Variants in CSNK2A1 observed in about 807,000 individuals in gnomAD.
The protein encoded by CSNK2A1 is casein kinase 2 alpha 1, also known as casein kinase II subunit alpha.
In CSNK2A1, 10 loss-of-function variants were observed where a neutral mutation model predicts 62.9. The ratio of observed to expected loss-of-function variants is 0.16; its 90% CI spans 0.10 to 0.27. The LOEUF is 0.27. Ranked by LOEUF, CSNK2A1 falls within the 10% of genes least tolerant of loss-of-function variation. The pLI, the probability that CSNK2A1 is intolerant of heterozygous loss-of-function variation, is 1.00. For missense variants in CSNK2A1, 160 were observed against 492.0 expected (o/e 0.33, Z 6.38); for synonymous variants, 124 against 167.8 (o/e 0.74, Z 2.02).
chr20:525,272 G>A lies in CSNK2A1; in HGVS notation c.-110+2661C>T, dbSNP rs146788577. On this transcript the variant is annotated intron_variant, in intron 2 of 13. Transcript: ENST00000217244. ...CATGCCTGTAATCCCAGCACTTTGG[G>A]AGGCTGAGGTGAGTGGATTACTTGA... 8.2e-3 allele frequency among the ~76,000 whole-genome samples: 1,248 copies of A among 152,100 alleles called. 17 individuals are homozygous for A. Among genetic ancestry groups the A allele is most frequent in the Middle Eastern group, 0.024 (7 of 292 alleles).
intron 3 of CSNK2A1, chr20:508,189 C>T (rs528499077): frequency 3.8e-4 from 133 of 351,318 alleles, no homozygotes; most frequent in South Asian, 5.6e-4. Flanking sequence ...ATGTGGTGCA[C>T]GACTGCATAT....
chr20:520,921 G>A (rs1301088581), intron 2 of CSNK2A1, among the ~76,000 whole-genome samples: 2 of 152,020 alleles, frequency 1.3e-5, no homozygotes, highest in African/African-American at 4.8e-5. Context: ...GGTCAGATGC[G>A]GTGGCTCATG....
intron 7 of CSNK2A1, chr20:496,595 C>A (rs2018351536): frequency 6.6e-6 from 1 of 152,214 alleles, no homozygotes; most frequent in Non-Finnish European, 1.5e-5. Context: ...GCAATCATAT[C>A]TGTAACTTTC....
intron 4 of CSNK2A1, chr20:502,509 G>A (rs2018492032): frequency 6.6e-6 from 1 of 152,168 alleles, no homozygotes; most frequent in South Asian, 2.1e-4. Context: ...CGAATTTAAT[G>A]CGATCAATGC....
intron 12 of CSNK2A1, 142 bp from the exon 13 acceptor site, chr20:486,604 G>A (rs1399448780): frequency 3.9e-6 from 3 of 770,092 alleles, no homozygotes; most frequent in African/African-American, 3.6e-5. Flanking sequence ...GGTGGCAATT[G>A]CCTTCACCAT....
chr20:542,141 A>G (rs978127129), intron 1 of CSNK2A1, among the ~76,000 whole-genome samples: 5 of 152,270 alleles, frequency 3.3e-5, no homozygotes, highest in African/African-American at 1.2e-4. Flanking sequence ...TAGTCCCTTT[A>G]CAGTGACAGG....
rs192149249 is a variant in CSNK2A1 at position 531,171 on chromosome 20, A to T, written c.-226-3122T>A. On this transcript the variant is annotated intron_variant, in intron 1 of 13. Coordinates refer to ENST00000217244, the MANE Select transcript of CSNK2A1 (RefSeq NM_177559.3). ...TTTCAAAGTGACAGTTACCAAAATT[A>T]AAAAAAAATTTAACTTTCTATTTCT... 5.9e-5 allele frequency among the ~76,000 whole-genome samples: 9 copies of T among 151,842 alleles called. No homozygotes were observed. The East Asian group carries it at 9.7e-4, about 16-fold the overall frequency.
chr20:516,033 T>C (rs1165636782), intron 2 of CSNK2A1, among the ~76,000 whole-genome samples: 1 of 152,206 alleles, frequency 6.6e-6, no homozygotes, highest in Non-Finnish European at 1.5e-5. Flanking sequence ...CTGAAGAAAC[T>C]TGATTTTACC....
rs2017775506 is a variant in CSNK2A1 at position 472,661 on chromosome 20, G to C, written c.*11300C>G. On this transcript the variant is annotated 3_prime_UTR_variant, in exon 14 of 14. Transcript: ENST00000217244. ...ATAAACATTGTCAACATCCCAAGTA[G>C]ACAGCAGTCCTGTGTGTGAATGATC... 6 of 152,218 alleles carry C rather than the reference G, an allele frequency of 3.9e-5. No individual in the cohort carries two copies. The highest frequency in any genetic ancestry group is 1.3e-4 in the Admixed American group (2 of 15,288). The allele number at this position is 152,218 out of a possible 1,614,324, so 9.4% of individuals were successfully genotyped here.
chr20:511,536 C>A (rs1226182565), intron 2 of CSNK2A1, among the ~76,000 whole-genome samples: 1 of 152,122 alleles, frequency 6.6e-6, no homozygotes, highest in Non-Finnish European at 1.5e-5. Flanking sequence ...TATTTTCTGC[C>A]TGAGCTGGCT....
intron 1 of CSNK2A1, among the ~76,000 whole-genome samples, chr20:529,307 T>G (rs2019163191): frequency 6.6e-6 from 1 of 152,058 alleles, no homozygotes; most frequent in South Asian, 2.1e-4. Context: ...ATTACAGGCA[T>G]GAGCCATTGC....
At chr20:535,571 C>T (rs2019301340) in intron 1 of CSNK2A1, among the ~76,000 whole-genome samples, 1 of 151,980 alleles carries the variant, frequency 6.6e-6, no homozygotes, top group South Asian at 2.1e-4. Flanking sequence ...GCGTGGCCAA[C>T]ATGGCGACAC....
rs534272813 is a variant in CSNK2A1 at position 525,059 on chromosome 20, T to C, written c.-110+2874A>G. ...AGGAGTTTGAGGCTTCAGTGAGCTA[T>C]GATCACAGTGTTGCACTCCAACCTG... On this transcript the variant is annotated intron_variant, in intron 2 of 13. Transcript: ENST00000217244. Among the ~76,000 whole-genome samples, 233 of 152,302 alleles carry C rather than the reference T, an allele frequency of 1.5e-3. 3 individuals carry two copies. Among genetic ancestry groups the C allele is most frequent in the Non-Finnish European group, 2.6e-3 (175 of 68,020 alleles).
At chr20:500,006 A>C (rs985258746) in intron 4 of CSNK2A1, 72 bp from the exon 5 acceptor site, 2 of 1,198,126 alleles carry the variant, frequency 1.7e-6, no homozygotes, top group Admixed American at 1.9e-5. Context: ...CACGTAGTGT[A>C]ATACATAAAT....
chr20:539,964 ACAGAGCCTC>A (rs1366683180), intron 1 of CSNK2A1: 26 of 152,226 alleles, frequency 1.7e-4, no homozygotes, highest in African/African-American at 5.3e-4. Flanking sequence ...GTAAAAGAAA[ACAGAGCCTC>A]CGGTCCAAAG....
At chr20:525,364 A>G (rs1215247021) in intron 2 of CSNK2A1, among the ~76,000 whole-genome samples, 1 of 152,008 alleles carries the variant, frequency 6.6e-6, no homozygotes, top group East Asian at 1.9e-4. Context: ...TAAAAATTTT[A>G]AAAATCGGCT....
At chr20:518,577 C>T (rs1012607135) in intron 2 of CSNK2A1, among the ~76,000 whole-genome samples, 3 of 151,964 alleles carry the variant, frequency 2.0e-5, no homozygotes, top group Non-Finnish European at 4.4e-5. Flanking sequence ...GACAGAGTCT[C>T]GCTCTGTCAC....
chr20:517,476 A>G (rs2018850998), intron 2 of CSNK2A1, among the ~76,000 whole-genome samples: 1 of 152,208 alleles, frequency 6.6e-6, no homozygotes, highest in South Asian at 2.1e-4. Flanking sequence ...TACAATCTCA[A>G]GTGATCAGTG....
At chr20:514,269 G>C (rs747589094) in intron 2 of CSNK2A1, among the ~76,000 whole-genome samples, 60 of 151,820 alleles carry the variant, frequency 4.0e-4, no homozygotes, top group Non-Finnish European at 1.2e-4. Context: ...ACTTGAGCCT[G>C]GGAGGTCAAG....
Sources: allele counts gnomAD v4.1 joint callset (sites outside exome capture counted in the v4.1 genomes callset), GRCh38; gene constraint gnomAD v4.1.1; transcripts MANE v1.5; gene names NCBI Gene and HGNC (gene_info 2026-07-23, HGNC 2026-07-21).